Variants in PPIG observed in about 807,000 individuals in gnomAD.
The protein encoded by PPIG is peptidyl-prolyl cis-trans isomerase G.
Under a neutral mutation model 87.9 loss-of-function variants are expected in PPIG, and 26 were observed. The observed-to-expected ratio is 0.30, with a 90% confidence interval of 0.22 to 0.41. The LOEUF (loss-of-function observed/expected upper bound fraction) is 0.41. Among genes scored for constraint, PPIG ranks in the 10% least tolerant of loss-of-function variants. The pLI, the probability that PPIG is intolerant of heterozygous loss-of-function variation, is 1.00. For synonymous variants in PPIG, 308 were observed against 276.5 expected (o/e 1.11, Z -1.13); for missense variants, 722 against 879.4 (o/e 0.82, Z 2.26).
In PPIG at chr2:169,630,931, G is replaced by T; in HGVS notation, c.705G>T (p.Arg235=). The T allele has an allele frequency of 6.3e-7, 1 of 1,599,584 alleles. No individual in the cohort carries two copies. Among genetic ancestry groups the T allele is most frequent in the South Asian group, 1.2e-5 (1 of 86,726 alleles). ...EKSKKRKKKH[R]KNSRKHKKEK... ...CAAAGAAAAGAAAAAAGAAACATCG[G>T]AAAAATTCCCGAAAACACAAGAAAG... Residue 235 remains arginine, a synonymous_variant, in exon 10 of 14, where the codon CGG becomes CGT. Coordinates refer to ENST00000260970, the MANE Select transcript of PPIG (RefSeq NM_004792.3).
At chr2:169,611,028 G>C (rs562212795) in intron 7 of PPIG, among the ~76,000 whole-genome samples, 4 of 152,140 alleles carry the variant, frequency 2.6e-5, no homozygotes, top group African/African-American at 9.7e-5. Flanking sequence ...GGCCAACATG[G>C]TGAAACCCAG....
Position 169,638,780 on chromosome 2 carries a change from T to C in PPIG, c.*1257T>C, listed in dbSNP as rs1431232406. On this transcript the variant is annotated 3_prime_UTR_variant, in exon 14 of 14. Coordinates refer to ENST00000260970, the MANE Select transcript of PPIG (RefSeq NM_004792.3). ...AGTCCATTTAGAGTTTTGGGTGTTG[T>C]ATTTTGCCATTTTTGTGATGTGTGG... is the stretch of plus-strand genomic sequence containing the variant. 6.6e-6 allele frequency: 1 copy of C among 152,064 alleles called. No homozygotes were observed. Among genetic ancestry groups the C allele is most frequent in the East Asian group, 1.9e-4 (1 of 5,190 alleles). 9.4% of individuals were successfully genotyped at this position (152,064 alleles called of 1,614,324 possible). A position where few individuals can be genotyped will look rare whatever the true frequency, so the allele number is the denominator to read the frequency against.
chr2:169,603,949 A>G, intron 2 of PPIG, 77 bp from the exon 3 acceptor site: 1 of 1,122,206 alleles, frequency 8.9e-7, no homozygotes, highest in Non-Finnish European at 1.3e-6. Context: ...ATTGTTTCAC[A>G]GAATTTTTTT....
chr2:169,634,210 A>G (rs747756499), intron 12 of PPIG, among the ~76,000 whole-genome samples: 7 of 151,986 alleles, frequency 4.6e-5, no homozygotes, highest in Non-Finnish European at 8.8e-5. Flanking sequence ...ACAGGTGTGC[A>G]TCACCACATC....
intron 9 of PPIG, 128 bp from the exon 10 acceptor site, chr2:169,630,646 C>T: frequency 1.3e-6 from 1 of 762,548 alleles, no homozygotes; most frequent in Non-Finnish European, 2.2e-6. Flanking sequence ...CTGTACTTCC[C>T]AGTTCACATA....
chr2:169,620,029 T>G (rs1476403315), intron 9 of PPIG, among the ~76,000 whole-genome samples: 21 of 152,194 alleles, frequency 1.4e-4, no homozygotes, highest in Non-Finnish European at 7.4e-5. Context: ...TTCCAGAGGT[T>G]GTATCTTCAC....
At chr2:169,622,717 C>G (rs1302581002) in intron 9 of PPIG, among the ~76,000 whole-genome samples, 2 of 152,222 alleles carry the variant, frequency 1.3e-5, no homozygotes, top group Admixed American at 1.3e-4. Context: ...AAAACACACA[C>G]TTGGGCCCCT....
At chr2:169,607,417 C>T (rs138452419) in intron 6 of PPIG, among the ~76,000 whole-genome samples, 3 of 152,102 alleles carry the variant, frequency 2.0e-5, no homozygotes, top group Admixed American at 6.5e-5. Context: ...TAGGAACTTC[C>T]GTAGGTCAAT....
chr2:169,591,285 C>T (rs1009631511), intron 1 of PPIG, among the ~76,000 whole-genome samples: 11 of 152,040 alleles, frequency 7.2e-5, no homozygotes, highest in Non-Finnish European at 2.9e-5. Context: ...GAACTGGTTA[C>T]CTCTTACTGA....
At position 169,639,057 on chromosome 2, in the gene PPIG, AT is replaced by A. The variant is rs1343340162; in HGVS notation, c.*1535del. 2 of 152,038 alleles carry A rather than the reference AT, an allele frequency of 1.3e-5. No homozygotes were observed. The highest frequency in any genetic ancestry group is 2.9e-5 in the Non-Finnish European group (2 of 67,930). 9.4% of individuals were successfully genotyped at this position (152,038 alleles called of 1,614,324 possible). A position where few individuals can be genotyped will look rare whatever the true frequency, so the allele number is the denominator to read the frequency against. On this transcript the variant is annotated 3_prime_UTR_variant, in exon 14 of 14. Transcript: ENST00000260970. ...ATACTTCCCACTATTGATTAATGCA[AT>A]ATTGATATATTTGGCGTTGTGGTAG...
intron 9 of PPIG, among the ~76,000 whole-genome samples, chr2:169,628,272 G>A (rs4667606): frequency 0.6 from 90,679 of 151,952 alleles, 27,711 homozygotes; most frequent in African/African-American, 0.73. Flanking sequence ...ACTTGATAAT[G>A]TACCTGTTCC....
At chr2:169,628,696 T>TA (rs1288264215) in intron 9 of PPIG, among the ~76,000 whole-genome samples, 1 of 151,646 alleles carries the variant, frequency 6.6e-6, no homozygotes, top group African/African-American at 2.4e-5. Context: ...TCCCAACACT[T>TA]ACGGAGGTTG....
intron 9 of PPIG, among the ~76,000 whole-genome samples, chr2:169,615,108 G>A (rs914587797): frequency 6.6e-6 from 1 of 151,986 alleles, no homozygotes; most frequent in Non-Finnish European, 1.5e-5. Context: ...GAGTGCAGTG[G>A]CATGATCTTG....
chr2:169,593,076 C>T (rs972284112), intron 1 of PPIG, among the ~76,000 whole-genome samples: 1 of 152,024 alleles, frequency 6.6e-6, no homozygotes, highest in Non-Finnish European at 1.5e-5. Context: ...CTGAATACAT[C>T]TTATAGCCAT....
At chr2:169,618,973 G>A (rs1184814858) in intron 9 of PPIG, among the ~76,000 whole-genome samples, 2 of 151,544 alleles carry the variant, frequency 1.3e-5, no homozygotes, top group Non-Finnish European at 2.9e-5. Flanking sequence ...GTGATGTTAG[G>A]GTGTCCATTT....
chr2:169,636,279 ACT>A lies in PPIG; in HGVS notation c.1154+52_1154+53del, dbSNP rs1487839549. 3 of 1,530,118 alleles carry A rather than the reference ACT, an allele frequency of 2.0e-6. No individual in the cohort carries two copies. In the African/African-American group the frequency reaches 4.2e-5, roughly 21 times the overall value. 94.8% of individuals were successfully genotyped at this position (1,530,118 alleles called of 1,614,324 possible). A position where few individuals can be genotyped will look rare whatever the true frequency, so the allele number is the denominator to read the frequency against. ...AATGTAATGATAAGTGTTTGCTTTT[ACT>A]ATTATACATAAAGTTATTGTCATTT... is the stretch of plus-strand genomic sequence containing the variant. On this transcript the variant is annotated intron_variant, in intron 13 of 13. Coordinates refer to ENST00000260970, the MANE Select transcript of PPIG (RefSeq NM_004792.3).
At chr2:169,609,596 G>T (rs1574449465) in intron 7 of PPIG, among the ~76,000 whole-genome samples, 1 of 152,132 alleles carries the variant, frequency 6.6e-6, no homozygotes, top group Non-Finnish European at 1.5e-5. Context: ...GCCAAATTAG[G>T]ATAATTTCAG....
chr2:169,590,750 G>A (rs1233830356), intron 1 of PPIG, among the ~76,000 whole-genome samples: 1 of 152,174 alleles, frequency 6.6e-6, no homozygotes, highest in African/African-American at 2.4e-5. Flanking sequence ...AAGGACACAC[G>A]GGAATCAGTG....
At chr2:169,599,674 C>T (rs1559176969) in intron 1 of PPIG, among the ~76,000 whole-genome samples, 1 of 152,098 alleles carries the variant, frequency 6.6e-6, no homozygotes, top group Non-Finnish European at 1.5e-5. Context: ...CTCATACACC[C>T]TTAGGTGTCC....
Sources: gnomAD v4.1 joint callset for allele counts (sites outside exome capture counted in the v4.1 genomes callset) on GRCh38, gnomAD v4.1.1 for gene constraint, MANE v1.5 for transcripts, NCBI Gene and HGNC (gene_info 2026-07-23, HGNC 2026-07-21) for gene names.